The following NDUFAF6 variants were observed in gnomAD, a reference collection of about 807,000 sequenced individuals.
NDUFAF6 encodes NADH dehydrogenase (ubiquinone) complex I, assembly factor 6.
In NDUFAF6, 45 loss-of-function variants were observed where a neutral mutation model predicts 40.8. The observed-to-expected ratio is 1.10, with a 90% CI of 0.87 to 1.42. NDUFAF6 has a LOEUF of 1.42. Ranked by LOEUF, NDUFAF6 falls within the 40% of genes most tolerant of loss-of-function variation. The pLI, the probability that NDUFAF6 is intolerant of heterozygous loss-of-function variation, is 0.00. For missense variants in NDUFAF6, 435 were observed against 418.5 expected, an observed-to-expected ratio of 1.04 and a Z score of -0.34; for synonymous variants, 185 against 155.9, an observed-to-expected ratio of 1.19 and a Z score of -1.39.
intron 1 of NDUFAF6, 30 bp downstream of exon 1, chr8:95,025,235 C>G: frequency 7.3e-7 from 1 of 1,366,186 alleles, no homozygotes; most frequent in Non-Finnish European, 9.4e-7. Context: ...CCTGGCGCGG[C>G]GGGAAGCGGG....
At chr8:94,931,587 TAC>T (rs557721378) in intron 1 of NDUFAF6, among the ~76,000 whole-genome samples, 6 of 68,630 alleles carry the variant, frequency 8.7e-5, no homozygotes, top group African/African-American at 1.0e-4. Context: ...ACATATTTAT[TAC>T]ACACACACAC....
intron 2 of NDUFAF6, among the ~76,000 whole-genome samples, chr8:95,002,849 G>A (rs961116963): frequency 2.0e-5 from 3 of 152,300 alleles, no homozygotes; most frequent in African/African-American, 4.8e-5. Context: ...GGTGTCAGGC[G>A]TAAGTGGATC....
At chr8:95,024,925 A>C (rs1343380879), upstream of NDUFAF6, 7 of 1,169,594 alleles carry the variant, frequency 6.0e-6, no homozygotes, top group African/African-American at 1.6e-5. Flanking sequence ...GACTCAAAGG[A>C]GCATAGGGGA....
chr8:95,094,948 T>TG (rs138201253), intron 2 of NDUFAF6, among the ~76,000 whole-genome samples: 7,750 of 148,816 alleles, frequency 0.052, 744 homozygotes, highest in African/African-American at 0.19. Flanking sequence ...AGTTTGGGGG[T>TG]GGCGGGGGGT....
intron 2 of NDUFAF6, among the ~76,000 whole-genome samples, chr8:95,094,923 C>A (rs1809402820): frequency 1.3e-5 from 2 of 149,560 alleles, no homozygotes; most frequent in Admixed American, 1.3e-4. Flanking sequence ...CAGCTAATTT[C>A]TTAATTTTTT....
At chr8:94,946,696 CAA>C (rs71273438) in intron 2 of NDUFAF6, among the ~76,000 whole-genome samples, 1,324 of 34,640 alleles carry the variant, frequency 0.038, 38 homozygotes, top group East Asian at 0.16. Context: ...GACCCTGTCT[CAA>C]AAAAAAAAAA....
chr8:95,052,536 C>G lies in NDUFAF6; in HGVS notation c.873+306C>G, dbSNP rs942553150. 3.3e-5 allele frequency among the ~76,000 whole-genome samples: 5 copies of G among 152,208 alleles called. No homozygotes were observed. The South Asian group carries it at 1.0e-3, about 32-fold the overall frequency. Reference sequence around the variant, plus strand: ...TAAGAACCACATTCCTCAGTTTACTCTTAGGTGAAATGGGAATAATAGGAG... The same window carrying G: ...TAAGAACCACATTCCTCAGTTTACTGTTAGGTGAAATGGGAATAATAGGAG... On this transcript the variant is annotated intron_variant, in intron 8 of 8. Transcript: ENST00000396124.
Position 95,025,059 on chromosome 8 carries a change from C to A in NDUFAF6, c.51C>A (p.Ile17=), listed in dbSNP as rs113557846. 924 of 1,429,688 alleles carry A rather than the reference C, an allele frequency of 6.5e-4. 4 individuals are homozygous for A. The African/African-American group carries it at 0.012, about 18-fold the overall frequency. The allele number at this position is 1,429,688 out of a possible 1,614,324, so 88.6% of individuals were successfully genotyped here. ...GSVWGPLRLG[I]PGLCCRRPPL... ...TCTGGGGGCCGTTGCGGCTTGGCAT[C>A]CCCGGCCTGTGCTGCCGCCGGCCGC... Residue 17 remains isoleucine, a synonymous_variant, in exon 1 of 9, where the codon ATC becomes ATA. Coordinates refer to ENST00000396124, the MANE Select transcript of NDUFAF6 (RefSeq NM_152416.4).
chr8:94,997,447 T>G (rs1252559095), intron 2 of NDUFAF6, among the ~76,000 whole-genome samples: 3 of 152,108 alleles, frequency 2.0e-5, no homozygotes, highest in Admixed American at 1.3e-4. Context: ...CAGATATGCT[T>G]AGAACATCAT....
intron 4 of NDUFAF6, among the ~76,000 whole-genome samples, 158 bp downstream of exon 4, chr8:95,041,784 A>AC (rs914779448): frequency 2.0e-5 from 3 of 151,906 alleles, no homozygotes; most frequent in East Asian, 1.9e-4. Context: ...CTTGCATGCT[A>AC]CCCCCCATAC....
chr8:94,954,052 AG>A (rs796973186), upstream of NDUFAF6, among the ~76,000 whole-genome samples: 6 of 152,224 alleles, frequency 3.9e-5, no homozygotes, highest in African/African-American at 1.4e-4. Flanking sequence ...ACATTTTGCA[AG>A]ATGAATTTTT....
chr8:95,113,474 G>A (rs1010704047), intron 4 of NDUFAF6, among the ~76,000 whole-genome samples: 1 of 152,118 alleles, frequency 6.6e-6, no homozygotes, highest in Non-Finnish European at 1.5e-5. Flanking sequence ...TGCAGAGTAC[G>A]CAGAGTCTGA....
intron 3 of NDUFAF6, chr8:95,036,224 A>C: frequency 2.6e-6 from 3 of 1,147,448 alleles, no homozygotes; most frequent in Non-Finnish European, 2.2e-6. Context: ...CACATGGCTT[A>C]GAAATATTCT....
At chr8:95,070,206 G>A (rs1453311214) in intron 9 of NDUFAF6, among the ~76,000 whole-genome samples, 1 of 152,138 alleles carries the variant, frequency 6.6e-6, no homozygotes, top group Non-Finnish European at 1.5e-5. Context: ...CCACTAGCAA[G>A]TTATTACATT....
At chr8:95,019,054 T>C (rs916927079) in intron 2 of NDUFAF6, among the ~76,000 whole-genome samples, 20 of 152,308 alleles carry the variant, frequency 1.3e-4, no homozygotes, top group African/African-American at 4.6e-4. Flanking sequence ...CTCTAGACCC[T>C]GGCTGGAGTG....
intron 2 of NDUFAF6, among the ~76,000 whole-genome samples, chr8:95,086,993 G>C (rs1485505571): frequency 6.6e-6 from 1 of 152,132 alleles, no homozygotes; most frequent in Non-Finnish European, 1.5e-5. Flanking sequence ...TCATCTGAGG[G>C]AGGGGCAAGC....
chr8:95,045,531 T>A lies in NDUFAF6; in HGVS notation c.478-14T>A. On this transcript the variant is annotated splice_polypyrimidine_tract_variant and intron_variant, in intron 4 of 8. Coordinates refer to ENST00000396124, the MANE Select transcript of NDUFAF6 (RefSeq NM_152416.4). ...ACAGTTCAACAGACTTTATTTGCAT[T>A]TTATTTGATGTAGGAAAAAAATCTG... The A allele has an allele frequency of 1.3e-6, 2 of 1,590,856 alleles. No homozygotes were observed. Among genetic ancestry groups the A allele is most frequent in the Non-Finnish European group, 1.7e-6 (2 of 1,159,220 alleles).
chr8:95,059,004 C>T (rs1428532397), downstream of NDUFAF6, among the ~76,000 whole-genome samples: 1 of 152,096 alleles, frequency 6.6e-6, no homozygotes, highest in African/African-American at 2.4e-5. Context: ...GAGTGTACTC[C>T]ATCCTGGGTA....
At chr8:95,059,246 G>T (rs953669698), downstream of NDUFAF6, among the ~76,000 whole-genome samples, 2 of 151,918 alleles carry the variant, frequency 1.3e-5, no homozygotes, top group Admixed American at 1.3e-4. Flanking sequence ...TTAAGTCTTT[G>T]GTATCAGCTA....
Sources: gnomAD v4.1 joint callset for allele counts (sites outside exome capture counted in the v4.1 genomes callset) on GRCh38, gnomAD v4.1.1 for gene constraint, MANE v1.5 for transcripts, NCBI Gene and HGNC (gene_info 2026-07-23, HGNC 2026-07-21) for gene names.